Variants in ZAN observed in about 807,000 individuals in gnomAD.
The protein encoded by ZAN is zonadhesin, also known as zonadhesin (gene/pseudogene).
In ZAN, 260 loss-of-function variants were observed where a neutral mutation model predicts 286.2. The observed-to-expected ratio is 0.91, with a 90% confidence interval of 0.82 to 1.01. The LOEUF (loss-of-function observed/expected upper bound fraction) is 1.01. Among genes scored for constraint, ZAN ranks in the 50% least tolerant of loss-of-function variants. The probability of loss-of-function intolerance (pLI) is 0.00; values close to 1 mark genes in which losing one functional copy is unlikely to be tolerated. For missense variants in ZAN, 3,410 were observed against 3,639.2 expected, an observed-to-expected ratio of 0.94 and a Z score of 1.62; for synonymous variants, 1,368 against 1,417.5, an observed-to-expected ratio of 0.97 and a Z score of 0.79.
At position 100,749,411 on chromosome 7, in the gene ZAN, A is replaced by C. The variant is rs374688695; in HGVS notation, c.1249+941A>C. Reference sequence around the variant, plus strand: ...ATCCCAGCACTTTGGGAGGCCAAGGAGGGCGGATCACAAGGTCAGGAGATC... The same window carrying C: ...ATCCCAGCACTTTGGGAGGCCAAGGCGGGCGGATCACAAGGTCAGGAGATC... On this transcript the variant is annotated intron_variant, in intron 11 of 47. Coordinates refer to ENST00000613979, the MANE Select transcript of ZAN (RefSeq NM_003386.3). 9.4e-4 allele frequency among the ~76,000 whole-genome samples: 142 copies of C among 150,392 alleles called. 2 individuals are homozygous for C. In the South Asian group the frequency reaches 0.014, roughly 15 times the overall value.
chr7:100,779,238 G>C (rs1015851001), intron 34 of ZAN, among the ~76,000 whole-genome samples: 2 of 151,680 alleles, frequency 1.3e-5, no homozygotes. Context: ...GCGTGGTGGT[G>C]GGTGCCTGTA....
chr7:100,791,893 A>G lies in ZAN; in HGVS notation c.7530-73A>G, dbSNP rs938142262. On this transcript the variant is annotated intron_variant, in intron 40 of 47. Transcript: ENST00000613979. ...CAGGCAGCCACCACCATGCCCGGCTAATCAGTTCTTCTTCTTCCCCCACTT... is the reference window on the plus strand; with the variant it reads ...CAGGCAGCCACCACCATGCCCGGCTGATCAGTTCTTCTTCTTCCCCCACTT... 5.3e-6 allele frequency: 8 copies of G among 1,496,408 alleles called. No individual in the cohort carries two copies. The African/African-American group carries it at 1.1e-4, about 21-fold the overall frequency. The allele number at this position is 1,496,408 out of a possible 1,614,324, so 92.7% of individuals were successfully genotyped here.
At chr7:100,753,470 C>T (rs1305171955) in intron 14 of ZAN, among the ~76,000 whole-genome samples, 3 of 152,092 alleles carry the variant, frequency 2.0e-5, no homozygotes, top group African/African-American at 7.2e-5. Context: ...ACGAGGCTTC[C>T]TTCTCGTTGT....
In ZAN at chr7:100,750,846, T is replaced by C; in HGVS notation, c.1471T>C (p.Trp491Arg). The C allele has an allele frequency of 6.3e-7, 1 of 1,586,064 alleles. No homozygotes were observed. ...WKRVGSQRPY[W>R]QNTSVTVPSG... ...ACGCGTGGGGTCTCAGCGCCCTTAC[T>C]GGCAGAACACCTCCGTCACCGTCCC... The change falls in exon 12 of 48, where the codon TGG (tryptophan) becomes CGG (arginine). Residue 491 changes from tryptophan to arginine, a missense_variant. This residue lies in a region of ZAN where 872 missense variants were observed against 938.9 expected (regional missense o/e 0.93). Coordinates refer to ENST00000613979, the MANE Select transcript of ZAN (RefSeq NM_003386.3).
rs1238038216 is a variant in ZAN at position 100,779,801 on chromosome 7, C to T, written c.6622+51C>T. On this transcript the variant is annotated intron_variant, in intron 35 of 47. Coordinates refer to ENST00000613979, the MANE Select transcript of ZAN (RefSeq NM_003386.3). ...AACCCCTCCCAAACCCCCTTTCCCT[C>T]TCTGCTTCCCTGAGAGCTCCCTCAC... The T allele has an allele frequency of 2.2e-5, 33 of 1,497,272 alleles. 1 individual carries two copies. The Admixed American group carries it at 7.0e-4, about 32-fold the overall frequency. 92.7% of individuals were successfully genotyped at this position (1,497,272 alleles called of 1,614,324 possible).
Position 100,779,622 on chromosome 7 carries a change from A to G in ZAN, c.6494A>G (p.Asp2165Gly). The G allele has an allele frequency of 1.2e-6, 2 of 1,602,122 alleles. No individual in the cohort carries two copies. Among genetic ancestry groups the G allele is most frequent in the Admixed American group, 1.7e-5 (1 of 58,094 alleles). ...ATAGACCTCACGCCCTTCCTGGTGG[A>G]CTGTGCAAACACCCTCTGTGAGTTC... is the stretch of plus-strand genomic sequence containing the variant. ...SRIDLTPFLV[D>G]CANTLCEFGG... Residue 2165 changes from aspartate (D) to glycine (G), a missense_variant, in exon 35 of 48, where the codon GAC (aspartate) becomes GGC (glycine). Around this residue, in one of 7 missense-constraint regions of ZAN, gnomAD observed 1,289 missense variants for 1,314.3 expected, o/e 0.98. Transcript: ENST00000613979.
In ZAN at chr7:100,775,499, A is replaced by T; in HGVS notation, c.5951A>T (p.Glu1984Val). 1 of 1,613,954 alleles carries T rather than the reference A, an allele frequency of 6.2e-7. No homozygotes were observed. The highest frequency in any genetic ancestry group is 8.5e-7 in the Non-Finnish European group (1 of 1,179,890). ...CATGAGAAGGAGGAAGGTGGAACTG[A>T]GGCTTTCCGCCTTCATGAGGTCTAC... ...AKHEKEEGGT[E>V]AFRLHEVYID... is the part of the protein sequence containing the mutation. The change falls in exon 32 of 48, where the codon GAG becomes GTG. Residue 1984 changes from glutamate (E) to valine (V), a missense_variant. By Grantham distance (121) the Glu-to-Val change is moderately radical. Transcript: ENST00000613979.
At chr7:100,774,913 T>TG (rs1229904911) in intron 31 of ZAN, among the ~76,000 whole-genome samples, 10 of 80,230 alleles carry the variant, frequency 1.2e-4, no homozygotes, top group African/African-American at 4.6e-4. Context: ...GCCCTGGCCC[T>TG]GGGGTTTTTT....
intron 10 of ZAN, 52 bp downstream of exon 10, chr7:100,748,267 G>C (rs1808372587): frequency 6.2e-7 from 1 of 1,613,754 alleles, no homozygotes; most frequent in Non-Finnish European, 8.5e-7. Flanking sequence ...GGGTGGGCTG[G>C]GGGAGGGCTG....
chr7:100,739,727 G>A lies in ZAN; in HGVS notation c.766+1114G>A, dbSNP rs1047219036. Reference sequence around the variant, plus strand: ...GGCTGGAGTGCAGTGGCTCTATCTCGGCTCACTGCAAGCTCCGCTGCCCAG... The same window carrying A: ...GGCTGGAGTGCAGTGGCTCTATCTCAGCTCACTGCAAGCTCCGCTGCCCAG... On this transcript the variant is annotated intron_variant, in intron 7 of 47. Transcript: ENST00000613979. Among the ~76,000 whole-genome samples the A allele has an allele frequency of 5.8e-5, 8 of 138,624 alleles. 1 individual carries two copies. The highest frequency in any genetic ancestry group is 4.3e-4 in the Admixed American group (6 of 14,092). 90.9% of individuals were successfully genotyped at this position (138,624 alleles called of 152,430 possible). A position where few individuals can be genotyped will look rare whatever the true frequency, so the allele number is the denominator to read the frequency against.
chr7:100,769,889 T>C lies in ZAN; in HGVS notation c.5163T>C (p.Leu1721=). 3 of 1,556,992 alleles carry C rather than the reference T, an allele frequency of 1.9e-6. No homozygotes were observed. Among genetic ancestry groups the C allele is most frequent in the Non-Finnish European group, 2.6e-6 (3 of 1,149,820 alleles). The change falls in exon 28 of 48, where the codon CTT becomes CTC. Residue 1721 remains leucine, a synonymous_variant. Coordinates refer to ENST00000613979, the MANE Select transcript of ZAN (RefSeq NM_003386.3). Reference sequence around the variant, plus strand: ...ATTCTCTCTCATTTAGCTGTTTCCTTGTGGGTGGCAAGCCCTCCAGCTGCC... The same window carrying C: ...ATTCTCTCTCATTTAGCTGTTTCCTCGTGGGTGGCAAGCCCTCCAGCTGCC... The part of the protein sequence containing the change: ...LPESSEPGCF[L]VGGKPSSCQE...
rs1811081733 is a variant in ZAN, at chr7:100,779,764, G to A, written c.6622+14G>A. On this transcript the variant is annotated intron_variant, in intron 35 of 47. Transcript: ENST00000613979. The stretch of plus-strand genomic sequence containing the variant: ...GCAGCTTCTGCCGTGAGTGTGCCCT[G>A]CTGTCACCCCAAACCCCTCCCAAAC... 1 of 1,543,544 alleles carries A rather than the reference G, an allele frequency of 6.5e-7. No homozygotes were observed. The highest frequency in any genetic ancestry group is 8.7e-7 in the Non-Finnish European group (1 of 1,144,222).
intron 23 of ZAN, among the ~76,000 whole-genome samples, chr7:100,765,995 T>G (rs1809943436): frequency 7.3e-6 from 1 of 136,232 alleles, no homozygotes; most frequent in South Asian, 2.2e-4. Flanking sequence ...TTGGTTTTTG[T>G]TTTTTTTTTG....
rs781728232 is a variant in ZAN at position 100,736,579 on chromosome 7, G to A, written c.203G>A (p.Gly68Glu). The A allele has an allele frequency of 9.8e-6, 15 of 1,522,848 alleles. 3 individuals are homozygous for A. In the African/African-American group the frequency reaches 1.7e-4, roughly 17 times the overall value. 94.3% of individuals were successfully genotyped at this position (1,522,848 alleles called of 1,614,324 possible). The part of the protein sequence containing the change: ...ADDEDWVRAS[G>E]PSPTGSTGAP... ...GATGAAGACTGGGTTCGAGCCAGTG[G>A]GCCCTCTCCCACCGGCTCCACCGGG... Residue 68 changes from glycine to glutamate, a missense_variant, in exon 4 of 48, where the codon GGG becomes GAG. By Grantham distance (98) the Gly-to-Glu change is moderately conservative. Around this residue, in one of 7 missense-constraint regions of ZAN, gnomAD observed 872 missense variants for 938.9 expected, o/e 0.93. Coordinates refer to ENST00000613979, the MANE Select transcript of ZAN (RefSeq NM_003386.3).
At chr7:100,795,147 G>A (rs1254537245) in intron 44 of ZAN, 49 bp from the exon 45 acceptor site, 4 of 1,570,670 alleles carry the variant, frequency 2.5e-6, no homozygotes, top group African/African-American at 1.4e-5. Context: ...CCCTCAGCTG[G>A]GAGTGTCCTC....
chr7:100,791,751 C>T (rs183979550), intron 40 of ZAN, among the ~76,000 whole-genome samples: 8 of 149,418 alleles, frequency 5.4e-5, no homozygotes, highest in East Asian at 2.0e-4. Flanking sequence ...TTTTAGAGAC[C>T]GGGTCGTGCT....
chr7:100,795,833 G>C (rs980498382), intron 45 of ZAN, among the ~76,000 whole-genome samples: 3 of 151,980 alleles, frequency 2.0e-5, no homozygotes, highest in African/African-American at 7.3e-5. Context: ...TTGAACCTGG[G>C]AGGTGGAGGT....
At chr7:100,738,347 G>A in intron 6 of ZAN, 114 bp from the exon 7 acceptor site, 1 of 1,049,628 alleles carries the variant, frequency 9.5e-7, no homozygotes, top group Non-Finnish European at 1.4e-6. Flanking sequence ...GAGTCCAGGA[G>A]TTCGAGGCCG....
chr7:100,759,744 A>T lies in ZAN; in HGVS notation c.3595A>T (p.Lys1199Ter). Residue 1199 changes from lysine to a stop codon, truncating the protein, a stop_gained, in exon 18 of 48, where the codon AAG (lysine) becomes TAG (stop). Coordinates refer to ENST00000613979, the MANE Select transcript of ZAN (RefSeq NM_003386.3). LOFTEE classifies it high-confidence loss of function. ...STDPFFRVTA[K>*]NEEQGQEGVS... ...AGACCCATTCTTCAGGGTGACAGCC[A>T]AGAATGAGGAGCAGGGACAGGAAGG... is the stretch of plus-strand genomic sequence containing the variant. The T allele has an allele frequency of 6.3e-7, 1 of 1,592,416 alleles. No individual in the cohort carries two copies. Among genetic ancestry groups the T allele is most frequent in the Non-Finnish European group, 8.6e-7 (1 of 1,169,562 alleles).
Sources: allele counts gnomAD v4.1 joint callset (sites outside exome capture counted in the v4.1 genomes callset), GRCh38; gene constraint gnomAD v4.1.1; regional missense constraint gnomAD v4.1.1; transcripts MANE v1.5; gene names NCBI Gene and HGNC (gene_info 2026-07-23, HGNC 2026-07-21).